VAPA: variants seen among roughly 807,000 people sequenced by gnomAD.
VAPA encodes VAMP associated protein A, also known as vesicle-associated membrane protein-associated protein A.
A neutral mutation model predicts 25.6 loss-of-function variants in VAPA; 6 were observed. The ratio of observed to expected loss-of-function variants is 0.23; its 90% CI spans 0.13 to 0.46. The LOEUF (loss-of-function observed/expected upper bound fraction) is 0.46, where lower values mean the gene tolerates loss of function less well. VAPA is among the 20% of genes least tolerant of loss of function. VAPA has a pLI of 0.99. For synonymous variants in VAPA, 112 were observed against 106.2 expected, an observed-to-expected ratio of 1.05 and a Z score of -0.34; for missense variants, 244 against 302.1, an observed-to-expected ratio of 0.81 and a Z score of 1.43.
chr18:9,936,952 C>T, intron 3 of VAPA, 34 bp from the exon 4 acceptor site: 1 of 1,580,398 alleles, frequency 6.3e-7, no homozygotes, highest in Non-Finnish European at 8.7e-7. Flanking sequence ...GATCATACCT[C>T]CTATGTCTCA....
intron 1 of VAPA, among the ~76,000 whole-genome samples, chr18:9,928,860 GGTGA>G (rs1004607341): frequency 6.6e-6 from 1 of 152,136 alleles, no homozygotes; most frequent in South Asian, 2.1e-4. Context: ...ATCTACTTAA[GGTGA>G]GTAAGTTTGG....
intron 1 of VAPA, among the ~76,000 whole-genome samples, chr18:9,928,123 C>T (rs2069217619): frequency 6.6e-6 from 1 of 151,938 alleles, no homozygotes; most frequent in South Asian, 2.1e-4. Context: ...TTAAACTAAG[C>T]ATTCATATTG....
intron 1 of VAPA, among the ~76,000 whole-genome samples, chr18:9,924,621 A>G (rs1173102448): frequency 6.6e-6 from 1 of 152,212 alleles, no homozygotes; most frequent in Admixed American, 6.5e-5. Context: ...GTTTTTTAAG[A>G]TGAAATGTCA....
intron 5 of VAPA, 163 bp downstream of exon 5, chr18:9,950,731 T>C: frequency 1.6e-6 from 1 of 643,210 alleles, no homozygotes; most frequent in Non-Finnish European, 2.6e-6. Flanking sequence ...TTTAACAGTC[T>C]TCCCGTGGTT....
chr18:9,953,549 C>T (rs1036298988), intron 5 of VAPA, among the ~76,000 whole-genome samples: 8 of 152,148 alleles, frequency 5.3e-5, no homozygotes, highest in African/African-American at 1.2e-4. Context: ...TCTGCTGTTC[C>T]GGTTCCTTAG....
chr18:9,938,752 G>A (rs1283689270), intron 4 of VAPA, among the ~76,000 whole-genome samples: 1 of 152,132 alleles, frequency 6.6e-6, no homozygotes, highest in Non-Finnish European at 1.5e-5. Context: ...TTAAATTGTA[G>A]GAAATATCTG....
At chr18:9,953,629 C>T (rs1055544764) in intron 5 of VAPA, among the ~76,000 whole-genome samples, 4 of 152,012 alleles carry the variant, frequency 2.6e-5, no homozygotes, top group South Asian at 2.1e-4. Context: ...TGGGCTAGGA[C>T]GGATGTAACT....
chr18:9,941,185 C>T (rs745440795), intron 4 of VAPA, among the ~76,000 whole-genome samples: 1 of 151,660 alleles, frequency 6.6e-6, no homozygotes, highest in Non-Finnish European at 1.5e-5. Flanking sequence ...AAAAAATATA[C>T]TTTGGGAAAT....
rs1002602735 is a variant in VAPA, at chr18:9,916,488, A to G, written c.79+2153A>G. Among the ~76,000 whole-genome samples, 4 of 152,330 alleles carry G rather than the reference A, an allele frequency of 2.6e-5. No individual in the cohort carries two copies. The South Asian group carries it at 6.2e-4, about 24-fold the overall frequency. The stretch of plus-strand genomic sequence containing the variant: ...TTAGGCCAAGAGAGTGGTTGAGTAA[A>G]CACACTGCTGTGAGAGAATGCCTGG... On this transcript the variant is annotated intron_variant, in intron 1 of 5. Coordinates refer to ENST00000400000, the MANE Select transcript of VAPA (RefSeq NM_194434.3).
chr18:9,950,809 C>T (rs2069482254), intron 5 of VAPA: 2 of 427,178 alleles, frequency 4.7e-6, no homozygotes, highest in African/African-American at 2.0e-5. Context: ...TGCAGTATTG[C>T]CAGCTTCTGC....
intron 2 of VAPA, among the ~76,000 whole-genome samples, chr18:9,934,609 G>A (rs1221114059): frequency 3.3e-5 from 5 of 152,050 alleles, no homozygotes; most frequent in South Asian, 2.1e-4. Context: ...TTATTTACCC[G>A]TGTTTATCTT....
rs1252813901 is a variant in VAPA at position 9,956,428 on chromosome 18, G to A, written c.*2217G>A. 1 of 152,166 alleles carries A rather than the reference G, an allele frequency of 6.6e-6. No homozygotes were observed. Among genetic ancestry groups the A allele is most frequent in the African/African-American group, 2.4e-5 (1 of 41,344 alleles). 9.4% of individuals were successfully genotyped at this position (152,166 alleles called of 1,614,324 possible). A position where few individuals can be genotyped will look rare whatever the true frequency, so the allele number is the denominator to read the frequency against. ...TTAGGCTAGAAATGCCTCCCACATT[G>A]GTAATAAACATTACAAAATACAATG... On this transcript the variant is annotated 3_prime_UTR_variant, in exon 6 of 6. Coordinates refer to ENST00000400000, the MANE Select transcript of VAPA (RefSeq NM_194434.3).
In VAPA at chr18:9,959,856, G is replaced by A. The variant is rs183425615; in HGVS notation, c.*5645G>A. 6.6e-6 allele frequency: 1 copy of A among 152,010 alleles called. No individual in the cohort carries two copies. Among genetic ancestry groups the A allele is most frequent in the Admixed American group, 6.6e-5 (1 of 15,264 alleles). 9.4% of individuals were successfully genotyped at this position (152,010 alleles called of 1,614,324 possible). The stretch of plus-strand genomic sequence containing the variant: ...TTGTTAGGAATTACAGTTGTGGGGA[G>A]CAAACTTTCTTTTTTGTGCTGTTTT... On this transcript the variant is annotated 3_prime_UTR_variant, in exon 6 of 6. Coordinates refer to ENST00000400000, the MANE Select transcript of VAPA (RefSeq NM_194434.3).
intron 2 of VAPA, among the ~76,000 whole-genome samples, chr18:9,933,286 C>G (rs2143347818): frequency 6.6e-6 from 1 of 152,108 alleles, no homozygotes; most frequent in Non-Finnish European, 1.5e-5. Context: ...AAGGACAGAC[C>G]ATAGAGTTCT....
At position 9,958,988 on chromosome 18, in the gene VAPA, TGTC is replaced by T. The variant is rs2069579327; in HGVS notation, c.*4780_*4782del. 6.6e-6 allele frequency: 1 copy of T among 152,232 alleles called. No individual in the cohort carries two copies. Among genetic ancestry groups the T allele is most frequent in the African/African-American group, 2.4e-5 (1 of 41,454 alleles). The allele number at this position is 152,232 out of a possible 1,614,324, so 9.4% of individuals were successfully genotyped here. A position where few individuals can be genotyped will look rare whatever the true frequency, so the allele number is the denominator to read the frequency against. On this transcript the variant is annotated 3_prime_UTR_variant, in exon 6 of 6. Transcript: ENST00000400000. ...AGCAAAAGGTGGTTTTCAAGTATAATGTCGTTTTCAACATGCTTATTACTTAGT... is the reference window on the plus strand; with the variant it reads ...AGCAAAAGGTGGTTTTCAAGTATAATGTTTTCAACATGCTTATTACTTAGT...
intron 1 of VAPA, among the ~76,000 whole-genome samples, chr18:9,918,745 C>A (rs550357271): frequency 6.6e-6 from 1 of 152,130 alleles, no homozygotes; most frequent in East Asian, 1.9e-4. Flanking sequence ...GCTACACCCC[C>A]AAGTCTGTTT....
Position 9,914,195 on chromosome 18 carries a change from C to A in VAPA, c.-62C>A. The A allele has an allele frequency of 6.8e-7, 1 of 1,468,810 alleles. No individual in the cohort carries two copies. The highest frequency in any genetic ancestry group is 9.2e-7 in the Non-Finnish European group (1 of 1,085,760). 91.0% of individuals were successfully genotyped at this position (1,468,810 alleles called of 1,614,324 possible). Reference sequence around the variant, plus strand: ...TCGGCCGAGCCGTCGCCGCCGTCGTCCCCCGCCCCCAGTCAGCAAACCGCC... The same window carrying A: ...TCGGCCGAGCCGTCGCCGCCGTCGTACCCCGCCCCCAGTCAGCAAACCGCC... On this transcript the variant is annotated 5_prime_UTR_variant, in exon 1 of 6. Coordinates refer to ENST00000400000, the MANE Select transcript of VAPA (RefSeq NM_194434.3).
At chr18:9,941,233 A>G (rs2069363851) in intron 4 of VAPA, among the ~76,000 whole-genome samples, 1 of 152,104 alleles carries the variant, frequency 6.6e-6, no homozygotes, top group Non-Finnish European at 1.5e-5. Context: ...AGTATTAACT[A>G]CCCTGCAGAT....
chr18:9,953,554 C>G (rs1430461304), intron 5 of VAPA, among the ~76,000 whole-genome samples: 3 of 152,108 alleles, frequency 2.0e-5, no homozygotes, highest in Non-Finnish European at 4.4e-5. Context: ...TGTTCCGGTT[C>G]CTTAGTTGCA....
Sources: gnomAD v4.1 joint callset for allele counts (sites outside exome capture counted in the v4.1 genomes callset) on GRCh38, gnomAD v4.1.1 for gene constraint, MANE v1.5 for transcripts, NCBI Gene and HGNC (gene_info 2026-07-23, HGNC 2026-07-21) for gene names.